The following SNTG1 variants were observed in gnomAD, a reference collection of about 807,000 sequenced individuals.
SNTG1 encodes gamma-1-syntrophin.
Under a neutral mutation model 74.7 loss-of-function variants are expected in SNTG1, and 39 were observed. The observed-to-expected ratio is 0.52, with a 90% confidence interval of 0.40 to 0.68. The LOEUF is 0.68. Ranked by LOEUF, SNTG1 falls within the 30% of genes least tolerant of loss-of-function variation. SNTG1 has a pLI of 0.00. For synonymous variants in SNTG1, 254 were observed against 217.1 expected (o/e 1.17, Z -1.49); for missense variants, 685 against 609.5 (o/e 1.12, Z -1.30).
At chr8:50,005,119 A>G (rs1815091985) in intron 1 of SNTG1, among the ~76,000 whole-genome samples, 1 of 152,192 alleles carries the variant, frequency 6.6e-6, no homozygotes, top group Admixed American at 6.5e-5. Context: ...ATACAGACTA[A>G]TAAAGATCTA....
chr8:50,241,775 G>A (rs747991897), intron 2 of SNTG1, among the ~76,000 whole-genome samples: 9 of 152,112 alleles, frequency 5.9e-5, no homozygotes, highest in Non-Finnish European at 1.2e-4. Context: ...ATGCCAGATG[G>A]GATGATAATG....
At chr8:50,619,728 C>T (rs1195213564) in intron 13 of SNTG1, among the ~76,000 whole-genome samples, 1 of 130,574 alleles carries the variant, frequency 7.7e-6, no homozygotes, top group Non-Finnish European at 1.5e-5. Context: ...GAGACTCCGT[C>T]TCGAAAAAAA....
chr8:50,185,672 A>G (rs1477799176), intron 2 of SNTG1, among the ~76,000 whole-genome samples: 11 of 152,100 alleles, frequency 7.2e-5, no homozygotes, highest in Non-Finnish European at 1.5e-5. Context: ...GAGAAATCAC[A>G]CCTTTTTTTA....
chr8:50,381,014 G>T (rs1169065573), intron 2 of SNTG1: 2 of 152,120 alleles, frequency 1.3e-5, no homozygotes, highest in Admixed American at 6.5e-5. Flanking sequence ...TTAGGCTAGA[G>T]CTTTCCATGC....
intron 8 of SNTG1, among the ~76,000 whole-genome samples, chr8:50,460,865 A>C (rs974203696): frequency 3.3e-5 from 5 of 152,122 alleles, no homozygotes; most frequent in Non-Finnish European, 5.9e-5. Context: ...AGATACTACC[A>C]AGAATTCTAA....
chr8:49,918,585 C>T (rs927745431), intron 1 of SNTG1, among the ~76,000 whole-genome samples: 4 of 150,728 alleles, frequency 2.7e-5, no homozygotes, highest in Admixed American at 2.6e-4. Context: ...ATAGAATATT[C>T]TGTTGGATTT....
intron 17 of SNTG1, among the ~76,000 whole-genome samples, chr8:50,734,411 T>G: frequency 6.6e-6 from 1 of 151,638 alleles, no homozygotes; most frequent in East Asian, 1.9e-4. Flanking sequence ...ATAAATAAAT[T>G]TTTTAAATGA....
In SNTG1 at chr8:50,200,069, G is replaced by C. The variant is rs74629979; in HGVS notation, c.-28+27434G>C. Among the ~76,000 whole-genome samples, 338 of 152,200 alleles carry C rather than the reference G, an allele frequency of 2.2e-3. 7 individuals carry two copies. In the East Asian group the frequency reaches 0.059, roughly 27 times the overall value. On this transcript the variant is annotated intron_variant, in intron 2 of 18. Transcript: ENST00000642720. ...TTCATGTGCCTACCTGGTTGTTTTA[G>C]AAAGGTGTATGTGACATAATAACAG...
At chr8:50,404,160 T>C (rs2092840456) in intron 4 of SNTG1, among the ~76,000 whole-genome samples, 2 of 152,002 alleles carry the variant, frequency 1.3e-5, no homozygotes, top group Admixed American at 1.3e-4. Context: ...AGAAATGAAA[T>C]GAAAATGCAA....
intron 12 of SNTG1, among the ~76,000 whole-genome samples, chr8:50,570,708 G>T (rs759820288): frequency 6.6e-6 from 1 of 151,528 alleles, no homozygotes; most frequent in East Asian, 2.0e-4. Context: ...AGGTTCAAGC[G>T]ATTCTTCTGC....
chr8:50,550,802 A>G (rs2094421150), intron 11 of SNTG1, among the ~76,000 whole-genome samples: 1 of 152,246 alleles, frequency 6.6e-6, no homozygotes, highest in Admixed American at 6.5e-5. Context: ...AATGGAGTCT[A>G]TTGATTTCAT....
chr8:50,693,847 C>T (rs929785841), intron 15 of SNTG1, among the ~76,000 whole-genome samples: 5 of 152,074 alleles, frequency 3.3e-5, no homozygotes, highest in Non-Finnish European at 7.4e-5. Flanking sequence ...AAACAACATG[C>T]TCCTGAACAA....
intron 1 of SNTG1, among the ~76,000 whole-genome samples, chr8:50,136,390 CT>C (rs1260397196): frequency 6.6e-6 from 1 of 152,114 alleles, no homozygotes; most frequent in African/African-American, 2.4e-5. Context: ...TAAGCTTTCT[CT>C]TTTGTCTTCA....
intron 12 of SNTG1, among the ~76,000 whole-genome samples, chr8:50,565,898 A>G (rs1005720089): frequency 1.3e-5 from 2 of 152,022 alleles, no homozygotes; most frequent in African/African-American, 4.8e-5. Context: ...AATATATTTT[A>G]CGCAGAGGTA....
chr8:50,206,392 T>C (rs1172876451), intron 2 of SNTG1, among the ~76,000 whole-genome samples: 2 of 152,190 alleles, frequency 1.3e-5, no homozygotes, highest in Non-Finnish European at 2.9e-5. Context: ...TGTGTAAGAA[T>C]GCTTGTGATT....
In SNTG1 at chr8:50,396,109, C is replaced by T. The variant is rs534988832; in HGVS notation, c.27+1844C>T. 8.5e-4 allele frequency among the ~76,000 whole-genome samples: 130 copies of T among 152,268 alleles called. 1 individual carries two copies. The highest frequency in any genetic ancestry group is 1.5e-3 in the Non-Finnish European group (105 of 68,026). On this transcript the variant is annotated intron_variant, in intron 3 of 18. Coordinates refer to ENST00000642720, the MANE Select transcript of SNTG1 (RefSeq NM_018967.5). Reference sequence around the variant, plus strand: ...ATATTTCTCAAATTCTATTAAGATACAGAAGATTTATTTAATTGGTAATAC... The same window carrying T: ...ATATTTCTCAAATTCTATTAAGATATAGAAGATTTATTTAATTGGTAATAC...
Position 50,718,414 on chromosome 8 carries a change from C to A in SNTG1, c.1284+9436C>A, listed in dbSNP as rs193028239. On this transcript the variant is annotated intron_variant, in intron 17 of 18. Coordinates refer to ENST00000642720, the MANE Select transcript of SNTG1 (RefSeq NM_018967.5). ...AACGCATAATGACTATGCATCACTG[C>A]CTTACGAAAGTAAACATTTGTTTCT... is the stretch of plus-strand genomic sequence containing the variant. 9.1e-4 allele frequency among the ~76,000 whole-genome samples: 138 copies of A among 152,280 alleles called. 2 individuals carry two copies. Among genetic ancestry groups the A allele is most frequent in the Middle Eastern group, 6.8e-3 (2 of 294 alleles).
intron 13 of SNTG1, among the ~76,000 whole-genome samples, chr8:50,656,697 A>G (rs912502912): frequency 7.2e-5 from 11 of 152,292 alleles, no homozygotes; most frequent in African/African-American, 2.4e-4. Context: ...AACGTATAAG[A>G]AATTCTTATG....
intron 1 of SNTG1, among the ~76,000 whole-genome samples, chr8:50,151,481 A>G (rs12548618): frequency 0.28 from 42,167 of 151,632 alleles, 5,957 homozygotes; most frequent in Middle Eastern, 0.4. Context: ...TTGCTTCTCT[A>G]GTTCTTTTAA....
Sources: allele counts gnomAD v4.1 joint callset (sites outside exome capture counted in the v4.1 genomes callset), GRCh38; gene constraint gnomAD v4.1.1; transcripts MANE v1.5; gene names NCBI Gene and HGNC (gene_info 2026-07-23, HGNC 2026-07-21).